POLA1: variants seen among roughly 807,000 people sequenced by gnomAD.
POLA1 encodes the protein DNA polymerase alpha catalytic subunit.
Under a neutral mutation model 124.0 loss-of-function variants are expected in POLA1, and 15 were observed. The observed-to-expected ratio is 0.12, with a 90% CI of 0.08 to 0.19. The LOEUF (loss-of-function observed/expected upper bound fraction) is 0.19. POLA1 is among the 10% of genes least tolerant of loss of function. The probability of loss-of-function intolerance (pLI) is 1.00; values close to 1 mark genes in which losing one functional copy is unlikely to be tolerated. For synonymous variants in POLA1, 408 were observed against 389.4 expected (o/e 1.05, Z -0.56); for missense variants, 886 against 1,103.4 (o/e 0.80, Z 2.79).
Position 24,726,922 on chromosome X carries a change from TC to T in POLA1, c.1393-9del. 3.5e-6 allele frequency: 4 copies of T among 1,155,947 alleles called. No individual in the cohort carries two copies. Among genetic ancestry groups the T allele is most frequent in the South Asian group, 2.0e-5 (1 of 50,230 alleles). On this transcript the variant is annotated splice_polypyrimidine_tract_variant and intron_variant, in intron 13 of 36. Coordinates refer to ENST00000379068, the MANE Select transcript of POLA1 (RefSeq NM_001330360.2). ...TAAACAAAAAGATTCTTTTTTTTTT[TC>T]CTTTTTCAGGCTGAAATGCCACAGC...
intron 34 of POLA1, among the ~76,000 whole-genome samples, chrX:24,854,080 C>A (rs1220314271): frequency 9.0e-6 from 1 of 111,683 alleles, no homozygotes; most frequent in African/African-American, 3.3e-5. Flanking sequence ...GAGTCTCACT[C>A]TGTCCCCCAG....
At chrX:24,764,340 A>G (rs998437478) in intron 26 of POLA1, among the ~76,000 whole-genome samples, 4 of 111,459 alleles carry the variant, frequency 3.6e-5, no homozygotes, top group Admixed American at 9.5e-5. Context: ...TTTGTATGCT[A>G]TTTGCCCAGT....
At chrX:24,827,668 A>G (rs770785669) in intron 32 of POLA1, among the ~76,000 whole-genome samples, 1 of 111,796 alleles carries the variant, frequency 8.9e-6, no homozygotes, top group South Asian at 3.8e-4. Context: ...TGGTTCTGCT[A>G]TTCACAAGCT....
chrX:24,935,264 C>T (rs1047057061), intron 36 of POLA1, among the ~76,000 whole-genome samples: 1 of 112,513 alleles, frequency 8.9e-6, no homozygotes, highest in African/African-American at 3.2e-5. Context: ...TTTGGGGGGG[C>T]ACAATTCAGT....
chrX:24,923,587 A>G (rs1390413179), intron 35 of POLA1, among the ~76,000 whole-genome samples: 2 of 112,351 alleles, frequency 1.8e-5, no homozygotes, highest in Non-Finnish European at 3.7e-5. Context: ...CTTGATGGAC[A>G]TACTGAATCA....
chrX:24,788,884 G>A (rs1205107685), intron 26 of POLA1: 11 of 1,200,201 alleles, frequency 9.2e-6, no homozygotes, highest in Admixed American at 6.5e-5. Context: ...TTTCCTTTTC[G>A]TAAGACTTGA....
chrX:24,935,430 G>A lies in POLA1; in HGVS notation c.4261+4881G>A, dbSNP rs963826414. ...CAATTTACCCATAGGAGAAGTATCC[G>A]TTGGAAAGCCTGACTTCCCAGTGGG... On this transcript the variant is annotated intron_variant, in intron 36 of 36. Transcript: ENST00000379068. Among the ~76,000 whole-genome samples the A allele has an allele frequency of 4.4e-5, 5 of 112,880 alleles. No homozygotes were observed. The South Asian group carries it at 1.1e-3, about 25-fold the overall frequency.
intron 36 of POLA1, among the ~76,000 whole-genome samples, chrX:24,944,776 G>A (rs1473559581): frequency 1.8e-5 from 2 of 112,231 alleles, no homozygotes; most frequent in South Asian, 3.7e-4. Context: ...CTGAAGTAAA[G>A]GGAAAGATAA....
intron 26 of POLA1, among the ~76,000 whole-genome samples, chrX:24,803,986 A>G (rs2045760747): frequency 2.1e-5 from 2 of 97,190 alleles, no homozygotes; most frequent in African/African-American, 3.8e-5. Flanking sequence ...ATAACATTTT[A>G]TCTTTGCAAA....
rs746175874 is a variant in POLA1 at position 24,914,187 on chromosome X, T to C, written c.4165-16266T>C. On this transcript the variant is annotated intron_variant, in intron 35 of 36. Coordinates refer to ENST00000379068, the MANE Select transcript of POLA1 (RefSeq NM_001330360.2). Reference sequence around the variant, plus strand: ...GTGAGACCCTGTCTCAAAAAAATTTTAAAAAAATCGTGGAACTGTACCCCA... The same window carrying C: ...GTGAGACCCTGTCTCAAAAAAATTTCAAAAAAATCGTGGAACTGTACCCCA... Among the ~76,000 whole-genome samples the C allele has an allele frequency of 5.4e-5, 6 of 111,012 alleles. No homozygotes were observed. In the Admixed American group the frequency reaches 5.8e-4, roughly 11 times the overall value.
chrX:24,760,321 A>G (rs772348483), intron 26 of POLA1, among the ~76,000 whole-genome samples: 17 of 111,641 alleles, frequency 1.5e-4, no homozygotes, highest in Non-Finnish European at 3.0e-4. Context: ...CCCTTTCCTC[A>G]TCTGCCCAGG....
At chrX:24,918,645 A>T (rs926560328) in intron 35 of POLA1, among the ~76,000 whole-genome samples, 1 of 111,985 alleles carries the variant, frequency 8.9e-6, no homozygotes, top group African/African-American at 3.2e-5. Context: ...AATATGAAAG[A>T]ATACCTGAGT....
chrX:24,928,040 A>G (rs1159632113), intron 35 of POLA1, among the ~76,000 whole-genome samples: 3 of 112,414 alleles, frequency 2.7e-5, no homozygotes, highest in Non-Finnish European at 5.6e-5. Flanking sequence ...GTGTTTTTTA[A>G]AACCACTTAA....
intron 35 of POLA1, among the ~76,000 whole-genome samples, chrX:24,920,445 G>T (rs1463228872): frequency 4.5e-5 from 5 of 111,360 alleles, no homozygotes; most frequent in Non-Finnish European, 7.5e-5. Flanking sequence ...GTGTGAGGGA[G>T]GTACCAGGTG....
At chrX:24,835,536 G>T (rs1223102367) in intron 32 of POLA1, among the ~76,000 whole-genome samples, 1 of 109,881 alleles carries the variant, frequency 9.1e-6, no homozygotes, top group Non-Finnish European at 1.9e-5. Context: ...ATCCAGTCAG[G>T]GTCAACTTGG....
At chrX:24,697,367 A>G (rs1360756333) in intron 1 of POLA1, among the ~76,000 whole-genome samples, 2 of 111,984 alleles carry the variant, frequency 1.8e-5, no homozygotes, top group African/African-American at 6.5e-5. Flanking sequence ...GGTCATGTTC[A>G]GTAATCTTCA....
At chrX:24,954,802 A>G (rs986358792) in intron 36 of POLA1, among the ~76,000 whole-genome samples, 10 of 112,001 alleles carry the variant, frequency 8.9e-5, no homozygotes, top group Non-Finnish European at 1.7e-4. Flanking sequence ...AAGTGCCAGT[A>G]CTGAGCCCCT....
chrX:24,919,812 T>G (rs1271590160), intron 35 of POLA1, among the ~76,000 whole-genome samples: 8 of 95,416 alleles, frequency 8.4e-5, no homozygotes, highest in Admixed American at 7.4e-4. Flanking sequence ...TTTTTTGTTT[T>G]TTTTTTTGTT....
intron 35 of POLA1, among the ~76,000 whole-genome samples, chrX:24,910,820 ACTCT>A (rs897153071): frequency 8.9e-6 from 1 of 111,765 alleles, no homozygotes; most frequent in African/African-American, 3.2e-5. Flanking sequence ...GCGTGACACT[ACTCT>A]CTCAACATTT....
Sources: gnomAD v4.1 joint callset for allele counts (sites outside exome capture counted in the v4.1 genomes callset) on GRCh38, gnomAD v4.1.1 for gene constraint, MANE v1.5 for transcripts, NCBI Gene and HGNC (gene_info 2026-07-23, HGNC 2026-07-21) for gene names.